Variants in ITPR2 observed in about 807,000 individuals in gnomAD.
ITPR2 encodes the protein inositol 1,4,5-trisphosphate-gated calcium channel ITPR2.
In ITPR2, 207 loss-of-function variants were observed where a neutral mutation model predicts 317.1. That is an observed-to-expected ratio of 0.65 (90% CI 0.58 to 0.73). The LOEUF is 0.73. Among genes scored for constraint, ITPR2 ranks in the 30% least tolerant of loss-of-function variants. ITPR2 has a pLI of 0.00. For missense variants in ITPR2, 2,613 were observed against 3,284.0 expected (o/e 0.80, Z 4.99); for synonymous variants, 1,156 against 1,149.1 (o/e 1.01, Z -0.12).
intron 37 of ITPR2, among the ~76,000 whole-genome samples, chr12:26,523,898 T>TAA (rs1254130242): frequency 6.6e-6 from 1 of 152,216 alleles, no homozygotes. Flanking sequence ...CATAATCACA[T>TAA]GCTGTTGTTG....
intron 55 of ITPR2, among the ~76,000 whole-genome samples, chr12:26,358,745 G>A (rs563128623): frequency 4.6e-5 from 7 of 152,168 alleles, no homozygotes; most frequent in African/African-American, 1.7e-4. Context: ...TAGCCCAGGG[G>A]GCCTTAAGTG....
At chr12:26,474,199 G>A (rs1212442857) in intron 45 of ITPR2, among the ~76,000 whole-genome samples, 1 of 152,154 alleles carries the variant, frequency 6.6e-6, no homozygotes, top group African/African-American at 2.4e-5. Context: ...ATCTATCAAT[G>A]TTTATTCAAT....
intron 2 of ITPR2, among the ~76,000 whole-genome samples, chr12:26,770,495 A>G (rs1194323615): frequency 6.6e-6 from 1 of 152,156 alleles, no homozygotes; most frequent in Non-Finnish European, 1.5e-5. Flanking sequence ...GTGCTTCTAC[A>G]GTCTCTTGAG....
At chr12:26,663,131 T>C (rs1947540187) in intron 15 of ITPR2, among the ~76,000 whole-genome samples, 1 of 152,162 alleles carries the variant, frequency 6.6e-6, no homozygotes, top group Non-Finnish European at 1.5e-5. Flanking sequence ...ACTTCATAGA[T>C]CTCTCTTCAC....
chr12:26,628,799 C>CA (rs1946682524), intron 22 of ITPR2, among the ~76,000 whole-genome samples: 1 of 152,106 alleles, frequency 6.6e-6, no homozygotes, highest in Non-Finnish European at 1.5e-5. Context: ...CTACTGCCCT[C>CA]AAAAAGCCAA....
chr12:26,516,315 A>AGGAAAGGAAG (rs1565574730), intron 37 of ITPR2, among the ~76,000 whole-genome samples: 29 of 137,738 alleles, frequency 2.1e-4, no homozygotes, highest in South Asian at 1.0e-3. Context: ...AGGAAAGGAA[A>AGGAAAGGAAG]GGAAAGGAAA....
intron 20 of ITPR2, 147 bp from the exon 21 acceptor site, chr12:26,654,273 T>C: frequency 1.6e-6 from 1 of 623,282 alleles, no homozygotes; most frequent in Non-Finnish European, 2.6e-6. Flanking sequence ...GGAATTAAAA[T>C]ACTTGCAAAA....
intron 37 of ITPR2, among the ~76,000 whole-genome samples, chr12:26,506,307 A>G (rs944058110): frequency 2.0e-5 from 3 of 151,834 alleles, no homozygotes; most frequent in African/African-American, 7.3e-5. Context: ...TCAGGAGTTT[A>G]CGACTGGCCT....
At chr12:26,391,739 A>G (rs367793275) in intron 54 of ITPR2, among the ~76,000 whole-genome samples, 1 of 150,954 alleles carries the variant, frequency 6.6e-6, no homozygotes, top group South Asian at 2.1e-4. Flanking sequence ...TAATTTTTGT[A>G]TTTTTAGTAG....
intron 55 of ITPR2, among the ~76,000 whole-genome samples, chr12:26,381,206 C>A (rs958880321): frequency 6.6e-6 from 1 of 152,172 alleles, no homozygotes; most frequent in Non-Finnish European, 1.5e-5. Context: ...ACCCTTCCTG[C>A]TGTATTTTTA....
rs1591890454 is a variant in ITPR2 at position 26,552,641 on chromosome 12, G to T, written c.4965-2286C>A. On this transcript the variant is annotated intron_variant, in intron 36 of 56. Transcript: ENST00000381340. ...CAGAAGAATTTCAAAAGTTCTCCTG[G>T]CAAGGAAAGTGAAGCCTGCCTTTCT... 2.0e-5 allele frequency among the ~76,000 whole-genome samples: 3 copies of T among 152,270 alleles called. No individual in the cohort carries two copies. The South Asian group carries it at 6.2e-4, about 32-fold the overall frequency.
intron 5 of ITPR2, among the ~76,000 whole-genome samples, chr12:26,721,020 C>A (rs1393203120): frequency 2.6e-5 from 4 of 152,018 alleles, no homozygotes; most frequent in African/African-American, 9.7e-5. Flanking sequence ...GGATACTATT[C>A]AGTGGAGGGC....
chr12:26,682,725 C>T, intron 11 of ITPR2, 52 bp from the exon 12 acceptor site: 1 of 1,031,504 alleles, frequency 9.7e-7, no homozygotes, highest in Non-Finnish European at 1.5e-6. Flanking sequence ...AGCACACTTA[C>T]ATATTAACAT....
intron 32 of ITPR2, among the ~76,000 whole-genome samples, chr12:26,591,496 T>C (rs1208652757): frequency 6.6e-6 from 1 of 151,948 alleles, no homozygotes; most frequent in African/African-American, 2.4e-5. Context: ...GAATGTAAAT[T>C]TGGACAATCA....
At chr12:26,355,484 G>C (rs532497647) in intron 55 of ITPR2, among the ~76,000 whole-genome samples, 2 of 152,292 alleles carry the variant, frequency 1.3e-5, no homozygotes, top group South Asian at 2.1e-4. Flanking sequence ...CCATTTACAT[G>C]TGTAAAATTG....
chr12:26,799,010 T>A (rs945831518), intron 1 of ITPR2, among the ~76,000 whole-genome samples: 1 of 152,252 alleles, frequency 6.6e-6, no homozygotes, highest in Non-Finnish European at 1.5e-5. Context: ...AAATTTAGCA[T>A]TATCTCCTAT....
At chr12:26,699,900 CT>C (rs1251960101) in intron 9 of ITPR2, among the ~76,000 whole-genome samples, 1 of 151,982 alleles carries the variant, frequency 6.6e-6, no homozygotes. Flanking sequence ...TCTTTTAGGA[CT>C]TAATGTCTTT....
intron 2 of ITPR2, 59 bp downstream of exon 2, chr12:26,790,098 A>C: frequency 9.3e-7 from 1 of 1,070,434 alleles, no homozygotes; most frequent in Non-Finnish European, 1.5e-6. Flanking sequence ...TTACTTTGAG[A>C]CATAAAAATA....
chr12:26,671,704 A>G (rs1947776734), intron 13 of ITPR2, among the ~76,000 whole-genome samples: 1 of 152,180 alleles, frequency 6.6e-6, no homozygotes, highest in African/African-American at 2.4e-5. Context: ...TAACAATATT[A>G]ACTTTAAATG....
Sources: allele counts gnomAD v4.1 joint callset (sites outside exome capture counted in the v4.1 genomes callset), GRCh38; gene constraint gnomAD v4.1.1; transcripts MANE v1.5; gene names NCBI Gene and HGNC (gene_info 2026-07-23, HGNC 2026-07-21).